ZIM2: variants seen among roughly 807,000 people sequenced by gnomAD.
The protein encoded by ZIM2 is zinc finger protein 656.
A neutral mutation model predicts 38.6 loss-of-function variants in ZIM2; 14 were observed. The observed-to-expected ratio is 0.36, with a 90% CI of 0.24 to 0.57. The LOEUF is 0.57. Ranked by LOEUF, ZIM2 falls within the 20% of genes least tolerant of loss-of-function variation. The probability of loss-of-function intolerance (pLI) is 0.81; values close to 1 mark genes in which losing one functional copy is unlikely to be tolerated. For synonymous variants in ZIM2, 247 were observed against 245.8 expected, an observed-to-expected ratio of 1.00 and a Z score of -0.04; for missense variants, 680 against 695.1, an observed-to-expected ratio of 0.98 and a Z score of 0.24.
At chr19:56,834,218 T>C (rs552919261) in intron 2 of ZIM2, among the ~76,000 whole-genome samples, 73 of 152,232 alleles carry the variant, frequency 4.8e-4, no homozygotes, top group African/African-American at 1.7e-3. Context: ...CATCCAACCA[T>C]CTACAGGATA....
intron 2 of ZIM2, among the ~76,000 whole-genome samples, chr19:56,835,172 T>C (rs1011544283): frequency 6.6e-6 from 1 of 152,056 alleles, no homozygotes; most frequent in Non-Finnish European, 1.5e-5. Context: ...ACCCACTGCG[T>C]CCACCCTCCC....
chr19:56,820,999 C>A (rs941919330), intron 7 of ZIM2, among the ~76,000 whole-genome samples: 10 of 152,224 alleles, frequency 6.6e-5, no homozygotes, highest in Admixed American at 4.6e-4. Flanking sequence ...AAAACAAGCT[C>A]AAGTTCCACA....
intron 10 of ZIM2, among the ~76,000 whole-genome samples, chr19:56,788,346 C>T (rs1429952675): frequency 6.6e-6 from 1 of 152,098 alleles, no homozygotes; most frequent in African/African-American, 2.4e-5. Flanking sequence ...TTTATTTCTG[C>T]CTTAATTTCG....
chr19:56,814,850 C>G lies in ZIM2; in HGVS notation c.490+2896G>C. On this transcript the variant is annotated intron_variant, in intron 9 of 12. Transcript: ENST00000629319. This position sits in a 1 kb window ranked among gnomAD's most constrained non-coding sequence, Gnocchi z 5.8. ...ATGGGCAAGAGGGCAATAAAACCAT[C>G]ATCACACCCCTTCATGGAATACAAC... The G allele has an allele frequency of 6.2e-7, 1 of 1,614,200 alleles. No homozygotes were observed. Among genetic ancestry groups the G allele is most frequent in the Non-Finnish European group, 8.5e-7 (1 of 1,180,036 alleles).
chr19:56,832,709 G>T (rs950560506), intron 2 of ZIM2, among the ~76,000 whole-genome samples: 1 of 152,138 alleles, frequency 6.6e-6, no homozygotes, highest in African/African-American at 2.4e-5. Flanking sequence ...ACTAATAAAG[G>T]ATCCCTCTAC....
chr19:56,782,826 T>C (rs1600719489), intron 10 of ZIM2, among the ~76,000 whole-genome samples: 1 of 151,946 alleles, frequency 6.6e-6, no homozygotes, highest in Admixed American at 6.6e-5. Context: ...GGGAATGGGG[T>C]ATCCATCCCC....
At chr19:56,795,343 G>A (rs1468936879) in intron 9 of ZIM2, among the ~76,000 whole-genome samples, 1 of 152,210 alleles carries the variant, frequency 6.6e-6, no homozygotes, top group Non-Finnish European at 1.5e-5. Context: ...ACGAAGCCGC[G>A]CGCTGCCCCG....
chr19:56,811,131 A>G, intron 9 of ZIM2: 1 of 983,538 alleles, frequency 1.0e-6, no homozygotes, highest in Non-Finnish European at 1.2e-6. Flanking sequence ...GTATTTTCCA[A>G]GTGTGTGATA....
At chr19:56,779,186 C>CGG (rs2046188700) in intron 12 of ZIM2, among the ~76,000 whole-genome samples, 191 bp downstream of exon 12, 1 of 152,038 alleles carries the variant, frequency 6.6e-6, no homozygotes, top group Admixed American at 6.6e-5. Flanking sequence ...ACACTGGCCT[C>CGG]CCTGGAGCTA....
intron 9 of ZIM2, among the ~76,000 whole-genome samples, chr19:56,794,846 T>C (rs1388795900): frequency 6.6e-6 from 1 of 152,248 alleles, no homozygotes; most frequent in African/African-American, 2.4e-5. Context: ...CTGCAAATTA[T>C]GTAACTGGTT....
At chr19:56,815,647 T>A in intron 9 of ZIM2, 1 of 1,614,160 alleles carries the variant, frequency 6.2e-7, no homozygotes, top group Non-Finnish European at 8.5e-7. Context: ...AGCCTTCTGG[T>A]ATTCACGGAC....
rs761156701 is a variant in ZIM2 at position 56,817,450 on chromosome 19, G to T, written c.490+296C>A. 3 of 1,613,330 alleles carry T rather than the reference G, an allele frequency of 1.9e-6. No homozygotes were observed. In the African/African-American group the frequency reaches 4.0e-5, roughly 22 times the overall value. On this transcript the variant is annotated intron_variant, in intron 9 of 12. Transcript: ENST00000629319. ...CTGTGACCGGTCGCTTGACTCCCTTGCTCTTCCCGATTTGGAACTGCGTGA... is the reference window on the plus strand; with the variant it reads ...CTGTGACCGGTCGCTTGACTCCCTTTCTCTTCCCGATTTGGAACTGCGTGA...
chr19:56,838,461 A>G (rs927471404), intron 1 of ZIM2, among the ~76,000 whole-genome samples: 1 of 152,254 alleles, frequency 6.6e-6, no homozygotes, highest in Admixed American at 6.5e-5. Context: ...CCCGGGCCCC[A>G]GCCCTTAGCC....
intron 9 of ZIM2, chr19:56,813,864 A>G: frequency 6.2e-7 from 1 of 1,614,150 alleles, no homozygotes; most frequent in African/African-American, 1.3e-5. Flanking sequence ...TGCTGGCATG[A>G]GTTTTCAGGT....
chr19:56,817,566 C>T (rs370569730), intron 9 of ZIM2, 180 bp downstream of exon 9: 4 of 1,590,826 alleles, frequency 2.5e-6, no homozygotes, highest in African/African-American at 1.3e-5. Flanking sequence ...TGGCTTCAGG[C>T]ATAGTTTTTA....
intron 9 of ZIM2, among the ~76,000 whole-genome samples, chr19:56,803,693 A>T (rs1372702858): frequency 6.6e-6 from 1 of 152,252 alleles, no homozygotes; most frequent in African/African-American, 2.4e-5. Flanking sequence ...CCGTTGCTGA[A>T]GCCACCAGAA....
At position 56,816,638 on chromosome 19, in the gene ZIM2, G is replaced by A. The variant is rs199894739; in HGVS notation, c.490+1108C>T. 3.9e-4 allele frequency: 621 copies of A among 1,612,842 alleles called. 1 individual carries two copies. Among genetic ancestry groups the A allele is most frequent in the Non-Finnish European group, 4.6e-4 (538 of 1,179,124 alleles). ...GGCCTAAAGGTTTCCCCGCGCTCAC[G>A]TTCACGTTCACGTTCATGTTCACGC... On this transcript the variant is annotated intron_variant, in intron 9 of 12. Transcript: ENST00000629319.
At chr19:56,775,751 T>C (rs1291052613) in intron 12 of ZIM2, among the ~76,000 whole-genome samples, 1 of 151,774 alleles carries the variant, frequency 6.6e-6, no homozygotes, top group Non-Finnish European at 1.5e-5. Flanking sequence ...AAACAGATCT[T>C]ATGGAGGTTG....
At chr19:56,780,098 T>C (rs1026925646) in intron 11 of ZIM2, among the ~76,000 whole-genome samples, 2 of 152,214 alleles carry the variant, frequency 1.3e-5, no homozygotes, top group Admixed American at 1.3e-4. Flanking sequence ...TACCAGGCCT[T>C]GTATGTCTGA....
Sources: gnomAD v4.1 joint callset for allele counts (sites outside exome capture counted in the v4.1 genomes callset) on GRCh38, gnomAD v4.1.1 for gene constraint, Gnocchi (gnomAD v3.1) non-coding constraint, MANE v1.5 for transcripts, NCBI Gene and HGNC (gene_info 2026-07-23, HGNC 2026-07-21) for gene names.